Variants in GRIN2B observed in about 807,000 individuals in gnomAD.
The protein encoded by GRIN2B is glutamate ionotropic receptor NMDA type subunit 2B, also known as glutamate receptor ionotropic, NMDA 2B.
A neutral mutation model predicts 114.5 loss-of-function variants in GRIN2B; 5 were observed. The observed-to-expected ratio is 0.04, with a 90% CI of 0.02 to 0.09. The LOEUF (loss-of-function observed/expected upper bound fraction) is 0.09. GRIN2B is among the 10% of genes least tolerant of loss of function. The pLI, the probability that GRIN2B is intolerant of heterozygous loss-of-function variation, is 1.00. For synonymous variants in GRIN2B, 787 were observed against 745.1 expected, an observed-to-expected ratio of 1.06 and a Z score of -0.92; for missense variants, 1,108 against 1,943.5, an observed-to-expected ratio of 0.57 and a Z score of 8.08.
At chr12:13,828,265 T>C (rs1412138175) in intron 3 of GRIN2B, among the ~76,000 whole-genome samples, 1 of 152,258 alleles carries the variant, frequency 6.6e-6, no homozygotes, top group African/African-American at 2.4e-5. Context: ...ATATGGCTCT[T>C]CTGAGATCTC....
At chr12:13,970,195 A>C (rs1478401220) in intron 2 of GRIN2B, among the ~76,000 whole-genome samples, 1 of 152,218 alleles carries the variant, frequency 6.6e-6, no homozygotes, top group East Asian at 1.9e-4. Flanking sequence ...AGGAATGAAC[A>C]GTATTTACAT....
intron 2 of GRIN2B, among the ~76,000 whole-genome samples, chr12:13,976,052 T>C (rs1863012462): frequency 6.6e-6 from 1 of 152,224 alleles, no homozygotes; most frequent in Non-Finnish European, 1.5e-5. Context: ...CACAGCACAA[T>C]GGATTCTGTG....
At chr12:13,599,799 C>T (rs1185484323) in intron 10 of GRIN2B, among the ~76,000 whole-genome samples, 1 of 152,194 alleles carries the variant, frequency 6.6e-6, no homozygotes, top group Non-Finnish European at 1.5e-5. Context: ...CTCAGAGCCA[C>T]CTGCTCCTCC....
chr12:13,655,464 GAC>G (rs1208391204), intron 5 of GRIN2B, among the ~76,000 whole-genome samples: 4 of 152,130 alleles, frequency 2.6e-5, no homozygotes, highest in Admixed American at 6.5e-5. Flanking sequence ...TGGGCATTAG[GAC>G]ACTTAGAAGC....
At chr12:13,750,624 C>T (rs181589516) in intron 4 of GRIN2B, among the ~76,000 whole-genome samples, 159 of 152,230 alleles carry the variant, frequency 1.0e-3, no homozygotes, top group African/African-American at 3.5e-3. Flanking sequence ...GAATTTAACA[C>T]GAAAAGCAGT....
chr12:13,966,035 G>A (rs371133959), intron 2 of GRIN2B, among the ~76,000 whole-genome samples: 6 of 152,168 alleles, frequency 3.9e-5, no homozygotes, highest in Admixed American at 2.0e-4. Context: ...AAAGAGCCCC[G>A]GACATGAGAT....
intron 2 of GRIN2B, among the ~76,000 whole-genome samples, chr12:13,933,214 A>T (rs219891): frequency 6.6e-6 from 1 of 152,008 alleles, no homozygotes; most frequent in African/African-American, 2.4e-5. Flanking sequence ...TGCAAATAGT[A>T]CCTTTAACAA....
Position 13,551,118 on chromosome 12 carries a change from C to T in GRIN2B, c.*11665G>A, listed in dbSNP as rs939086294. ...ATGTGAAACCTTGATATTTTTCTTG[C>T]TCCTGACCCTGGGAGAGAGAGAACA... On this transcript the variant is annotated 3_prime_UTR_variant, in exon 14 of 14. Coordinates refer to ENST00000609686, the MANE Select transcript of GRIN2B (RefSeq NM_000834.5). 1 of 152,042 alleles carries T rather than the reference C, an allele frequency of 6.6e-6. No individual in the cohort carries two copies. The highest frequency in any genetic ancestry group is 1.5e-5 in the Non-Finnish European group (1 of 68,004). 9.4% of individuals were successfully genotyped at this position (152,042 alleles called of 1,614,324 possible). A position where few individuals can be genotyped will look rare whatever the true frequency, so the allele number is the denominator to read the frequency against.
At chr12:13,690,142 C>T (rs377436994) in intron 4 of GRIN2B, among the ~76,000 whole-genome samples, 184 of 152,244 alleles carry the variant, frequency 1.2e-3, no homozygotes, top group African/African-American at 4.2e-3. Flanking sequence ...TTATCCTTTG[C>T]AGAACCCAAA....
intron 2 of GRIN2B, among the ~76,000 whole-genome samples, chr12:13,875,777 T>C (rs537323353): frequency 7.9e-5 from 12 of 152,200 alleles, no homozygotes; most frequent in African/African-American, 2.9e-4. Context: ...TAACTGCAAG[T>C]CCTTTATCTG....
intron 2 of GRIN2B, among the ~76,000 whole-genome samples, chr12:13,949,950 A>C (rs747336643): frequency 1.3e-5 from 2 of 152,236 alleles, no homozygotes; most frequent in Admixed American, 6.5e-5. Flanking sequence ...AGGAACTCAA[A>C]AGAGAGCAAC....
At chr12:13,736,135 C>G (rs111932732) in intron 4 of GRIN2B, among the ~76,000 whole-genome samples, 1 of 3,756 alleles carries the variant, frequency 2.7e-4, no homozygotes, top group African/African-American at 1.2e-3. Context: ...CATAGAAAAG[C>G]GGGGGGGGGG....
chr12:13,783,577 G>A (rs1205454682), intron 3 of GRIN2B, among the ~76,000 whole-genome samples: 3 of 152,114 alleles, frequency 2.0e-5, no homozygotes, highest in East Asian at 1.9e-4. Context: ...AATAAGACGC[G>A]ATGATCTTGG....
At chr12:13,708,317 T>C (rs1950380638) in intron 4 of GRIN2B, among the ~76,000 whole-genome samples, 1 of 152,014 alleles carries the variant, frequency 6.6e-6, no homozygotes, top group African/African-American at 2.4e-5. Flanking sequence ...TTATTTCCAT[T>C]TTACAGAGAG....
chr12:13,588,627 G>C (rs1000954379), intron 10 of GRIN2B, among the ~76,000 whole-genome samples: 2 of 152,194 alleles, frequency 1.3e-5, no homozygotes, highest in East Asian at 1.9e-4. Context: ...ACAGGAACAG[G>C]CTTTGTCAAA....
chr12:13,607,678 T>C lies in GRIN2B; in HGVS notation c.2010+925A>G, dbSNP rs544247083. Reference sequence around the variant, plus strand: ...TCTAACCCATGTGCAAAGTACTATTTGGTCTGAAGACACACCTATCTGCAG... The same window carrying C: ...TCTAACCCATGTGCAAAGTACTATTCGGTCTGAAGACACACCTATCTGCAG... On this transcript the variant is annotated intron_variant, in intron 10 of 13. Transcript: ENST00000609686. Among the ~76,000 whole-genome samples, 92 of 138,202 alleles carry C rather than the reference T, an allele frequency of 6.7e-4. No individual in the cohort carries two copies. In the South Asian group the frequency reaches 0.022, roughly 33 times the overall value. The allele number at this position is 138,202 out of a possible 152,430, so 90.7% of individuals were successfully genotyped here.
At chr12:13,739,021 C>T (rs535947348) in intron 4 of GRIN2B, among the ~76,000 whole-genome samples, 1 of 152,202 alleles carries the variant, frequency 6.6e-6, no homozygotes, top group South Asian at 2.1e-4. Flanking sequence ...GTCAGCACAT[C>T]AATACATCCC....
At chr12:13,852,228 C>T (rs1228556405) in intron 3 of GRIN2B, among the ~76,000 whole-genome samples, 1 of 152,162 alleles carries the variant, frequency 6.6e-6, no homozygotes, top group Non-Finnish European at 1.5e-5. Context: ...ACCCCAGATG[C>T]AGCATTCCCT....
At chr12:13,910,363 G>A (rs1471389068) in intron 2 of GRIN2B, among the ~76,000 whole-genome samples, 2 of 152,146 alleles carry the variant, frequency 1.3e-5, no homozygotes, top group Non-Finnish European at 2.9e-5. Flanking sequence ...CTTGGTGTTA[G>A]GTTCCTGGAT....
Sources: allele counts gnomAD v4.1 joint callset (sites outside exome capture counted in the v4.1 genomes callset), GRCh38; gene constraint gnomAD v4.1.1; transcripts MANE v1.5; gene names NCBI Gene and HGNC (gene_info 2026-07-23, HGNC 2026-07-21).